SIN3B: variants seen among roughly 807,000 people sequenced by gnomAD.
SIN3B encodes the protein SIN3 transcription regulator family member B.
SIN3B carries 19 observed loss-of-function variants against 120.2 expected under a neutral mutation model. The observed-to-expected ratio is 0.16, with a 90% CI of 0.11 to 0.23. SIN3B has a LOEUF of 0.23. Ranked by LOEUF, SIN3B falls within the 10% of genes least tolerant of loss-of-function variation. SIN3B has a pLI of 1.00. For synonymous variants in SIN3B, 654 were observed against 653.2 expected (o/e 1.00, Z -0.02); for missense variants, 1,073 against 1,573.0 (o/e 0.68, Z 5.38).
At chr19:16,877,975 G>A (rs10407613) in intron 17 of SIN3B, among the ~76,000 whole-genome samples, 65,438 of 151,936 alleles carry the variant, frequency 0.43, 14,183 homozygotes, top group Non-Finnish European at 0.45. Context: ...ACCTCAGGTC[G>A]GGCTAGGATG....
chr19:16,841,849 C>G lies in SIN3B; in HGVS notation c.463C>G (p.Leu155Val). The change falls in exon 4 of 19, where the codon CTG becomes GTG. Residue 155 changes from leucine (L) to valine (V), a missense_variant. Around this residue, in one of 7 missense-constraint regions of SIN3B, gnomAD observed 395 missense variants for 528.0 expected, o/e 0.75. Transcript: ENST00000248054. ...PYKEDKPQVPLESDSVEFNNA... is the reference protein window; with the variant it reads ...PYKEDKPQVPVESDSVEFNNA... ...TAAAGAGGACAAACCCCAGGTGCCC[C>G]TGGAGTCCGATTCCGTGGAATTCAA... 1 of 1,614,102 alleles carries G rather than the reference C, an allele frequency of 6.2e-7. No homozygotes were observed. The highest frequency in any genetic ancestry group is 1.1e-5 in the South Asian group (1 of 91,080).
At chr19:16,857,361 G>A (rs1248461937) in intron 8 of SIN3B, among the ~76,000 whole-genome samples, 1 of 151,940 alleles carries the variant, frequency 6.6e-6, no homozygotes, top group Non-Finnish European at 1.5e-5. Context: ...TTGAAAATCA[G>A]TCAGATTTGC....
In SIN3B at chr19:16,863,773, C is replaced by A; in HGVS notation, c.1360C>A (p.Arg454Ser). Residue 454 changes from arginine to serine, a missense_variant, in exon 10 of 19, where the codon CGC (arginine) becomes AGC (serine). Physicochemically the swap from Arg to Ser is moderately radical, Grantham distance 110. Coordinates refer to ENST00000248054, the MANE Select transcript of SIN3B (RefSeq NM_001297595.2). ...KKTPYEEQLH[R>S]CEDERFELDV... ...GACACCGTACGAGGAGCAGCTTCAC[C>A]GCTGTGAGGACGAGCGCTTCGAGGT... 6.2e-7 allele frequency: 1 copy of A among 1,613,958 alleles called. No individual in the cohort carries two copies. The highest frequency in any genetic ancestry group is 1.1e-5 in the South Asian group (1 of 91,078).
chr19:16,836,861 C>T (rs1229629481), intron 3 of SIN3B, among the ~76,000 whole-genome samples: 2 of 152,164 alleles, frequency 1.3e-5, no homozygotes, highest in African/African-American at 4.8e-5. Context: ...GGGGAAGTCC[C>T]GCTAGTTGTC....
At chr19:16,867,817 C>T (rs564480190) in intron 12 of SIN3B, among the ~76,000 whole-genome samples, 1 of 152,310 alleles carries the variant, frequency 6.6e-6, no homozygotes, top group East Asian at 1.9e-4. Context: ...ACCCTCGCCC[C>T]AGGCCCACCC....
At chr19:16,848,654 C>T (rs907141798) in intron 5 of SIN3B, among the ~76,000 whole-genome samples, 7 of 152,070 alleles carry the variant, frequency 4.6e-5, no homozygotes, top group African/African-American at 9.7e-5. Flanking sequence ...GACACCACCA[C>T]GATGCCAGGC....
chr19:16,875,177 CTGTT>C (rs1348190071), intron 14 of SIN3B, among the ~76,000 whole-genome samples: 4 of 115,132 alleles, frequency 3.5e-5, no homozygotes, highest in Non-Finnish European at 5.1e-5. Context: ...CTGGTCTGGT[CTGTT>C]TGGTCTGGTC....
chr19:16,878,850 C>T lies in SIN3B; in HGVS notation c.*123C>T. ...ATCTCCCAGCCCCTCTGCTGCCGGA[C>T]AGCGCACTCCAGGGCAGGACGCCGC... On this transcript the variant is annotated 3_prime_UTR_variant, in exon 19 of 19. Transcript: ENST00000248054. 2 of 891,584 alleles carry T rather than the reference C, an allele frequency of 2.2e-6. No individual in the cohort carries two copies. Among genetic ancestry groups the T allele is most frequent in the Non-Finnish European group, 1.7e-6 (1 of 591,750 alleles). 55.2% of individuals were successfully genotyped at this position (891,584 alleles called of 1,614,324 possible). A position where few individuals can be genotyped will look rare whatever the true frequency, so the allele number is the denominator to read the frequency against.
chr19:16,851,939 G>T (rs1190040842), intron 6 of SIN3B, among the ~76,000 whole-genome samples: 1 of 152,186 alleles, frequency 6.6e-6, no homozygotes, highest in Non-Finnish European at 1.5e-5. Context: ...CACCTGCAAT[G>T]GTGGTTTTCC....
At chr19:16,866,276 C>A in intron 11 of SIN3B, 97 bp from the exon 12 acceptor site, 2 of 1,264,596 alleles carry the variant, frequency 1.6e-6, no homozygotes, top group Non-Finnish European at 2.2e-6. Flanking sequence ...GGTCCTGGAC[C>A]CCCAGTCAAG....
chr19:16,869,044 C>T (rs964152018), intron 12 of SIN3B, among the ~76,000 whole-genome samples: 1 of 152,070 alleles, frequency 6.6e-6, no homozygotes, highest in Non-Finnish European at 1.5e-5. Context: ...CAGGCGCCAC[C>T]GTTGCTTTCA....
At chr19:16,868,205 G>A (rs1385258981) in intron 12 of SIN3B, among the ~76,000 whole-genome samples, 1 of 152,164 alleles carries the variant, frequency 6.6e-6, no homozygotes, top group Non-Finnish European at 1.5e-5. Flanking sequence ...AGCAGTCAGA[G>A]GGCGATGGTC....
At chr19:16,863,926 G>T in intron 10 of SIN3B, 130 bp downstream of exon 10, 2 of 636,968 alleles carry the variant, frequency 3.1e-6, no homozygotes, top group Non-Finnish European at 2.8e-6. Flanking sequence ...CATTCCAACA[G>T]CTCCTGGAAG....
intron 4 of SIN3B, among the ~76,000 whole-genome samples, chr19:16,842,972 A>AG (rs1037119019): frequency 6.6e-6 from 1 of 152,218 alleles, no homozygotes; most frequent in Non-Finnish European, 1.5e-5. Flanking sequence ...GGGCGTCTGC[A>AG]GGGGACTTGG....
intron 14 of SIN3B, among the ~76,000 whole-genome samples, chr19:16,874,919 T>C (rs2051568738): frequency 6.6e-6 from 1 of 151,238 alleles, no homozygotes; most frequent in South Asian, 2.1e-4. Context: ...TCTGGTCTAG[T>C]TTGGTTGGTT....
At chr19:16,860,854 A>G (rs1041796689) in intron 8 of SIN3B, among the ~76,000 whole-genome samples, 3 of 151,494 alleles carry the variant, frequency 2.0e-5, no homozygotes, top group Non-Finnish European at 2.9e-5. Flanking sequence ...CGGCCTCCCA[A>G]AGTTCTGGGA....
rs1271959820 is a variant in SIN3B at position 16,854,194 on chromosome 19, A to G, written c.991A>G (p.Ile331Val). 2.5e-6 allele frequency: 4 copies of G among 1,612,894 alleles called. No individual in the cohort carries two copies. The highest frequency in any genetic ancestry group is 3.4e-6 in the Non-Finnish European group (4 of 1,179,986). ...GGTGTATGAAAACTTCCTCCGCTGC[A>G]TCGCACTCTTCAACCAGGAGCTGGT... ...QEVYENFLRC[I>V]ALFNQELVSG... The change falls in exon 8 of 19, where the codon ATC (isoleucine) becomes GTC (valine). Residue 331 changes from isoleucine to valine, a missense_variant. Physicochemically the swap from Ile to Val is conservative, Grantham distance 29. This residue lies in a region of SIN3B where 395 missense variants were observed against 528.0 expected (regional missense o/e 0.75). Transcript: ENST00000248054.
chr19:16,850,547 G>C (rs931435524), intron 5 of SIN3B, among the ~76,000 whole-genome samples: 6 of 152,066 alleles, frequency 3.9e-5, no homozygotes, highest in African/African-American at 9.7e-5. Context: ...TTGTTCAGAT[G>C]CACCATGACT....
At position 16,865,629 on chromosome 19, in the gene SIN3B, G is replaced by A; in HGVS notation, c.1603G>A (p.Val535Ile). Residue 535 changes from valine to isoleucine, a missense_variant, in exon 11 of 19, where the codon GTC becomes ATC. Transcript: ENST00000248054. ...CCTCAAGAAGAACCCTGTCACCGCT[G>A]TCCCCGTTGTCCTGAAAAGGTGCCC... ...ESLKKNPVTAVPVVLKRLKAK... is the reference protein window; with the variant it reads ...ESLKKNPVTAIPVVLKRLKAK... The A allele has an allele frequency of 6.2e-7, 1 of 1,605,826 alleles. No homozygotes were observed. Among genetic ancestry groups the A allele is most frequent in the Non-Finnish European group, 8.5e-7 (1 of 1,174,808 alleles).
Sources: gnomAD v4.1 joint callset for allele counts (sites outside exome capture counted in the v4.1 genomes callset) on GRCh38, gnomAD v4.1.1 for gene constraint, gnomAD v4.1.1 regional missense constraint, MANE v1.5 for transcripts, NCBI Gene and HGNC (gene_info 2026-07-23, HGNC 2026-07-21) for gene names.